Variants in BACH2 observed in about 807,000 individuals in gnomAD.
The protein encoded by BACH2 is BACH transcriptional regulator 2, also known as transcription regulator protein BACH2.
BACH2 carries 5 observed loss-of-function variants against 61.8 expected under a neutral mutation model. The ratio of observed to expected loss-of-function variants is 0.08; its 90% confidence interval spans 0.04 to 0.17. The LOEUF is 0.17. BACH2 is among the 10% of genes least tolerant of loss of function. BACH2 has a pLI of 1.00. For missense variants in BACH2, 824 were observed against 1,091.1 expected (o/e 0.76, Z 3.45); for synonymous variants, 446 against 440.1 (o/e 1.01, Z -0.17).
chr6:89,968,114 C>T (rs1775145095), intron 6 of BACH2, among the ~76,000 whole-genome samples: 1 of 152,190 alleles, frequency 6.6e-6, no homozygotes, highest in Admixed American at 6.5e-5. Context: ...TTCACCAATT[C>T]CAACTGTAAA....
intron 6 of BACH2, among the ~76,000 whole-genome samples, chr6:89,957,265 A>G (rs1292225768): frequency 1.3e-5 from 2 of 152,176 alleles, no homozygotes; most frequent in African/African-American, 4.8e-5. Flanking sequence ...CCTCATCTTA[A>G]TTTTCTATAA....
In BACH2 at chr6:89,961,455, TA is replaced by T. The variant is rs1440897755; in HGVS notation, c.244-9594del. Among the ~76,000 whole-genome samples, 8 of 152,300 alleles carry T rather than the reference TA, an allele frequency of 5.3e-5. No individual in the cohort carries two copies. In the East Asian group the frequency reaches 5.8e-4, roughly 11 times the overall value. On this transcript the variant is annotated intron_variant, in intron 6 of 8. Transcript: ENST00000257749. Reference sequence around the variant, plus strand: ...AAAAGAAGATTTAGAAAAAATTACCTAATTTCCATTTTAAATGACCCTCTTC... The same window carrying T: ...AAAAGAAGATTTAGAAAAAATTACCTATTTCCATTTTAAATGACCCTCTTC...
intron 6 of BACH2, among the ~76,000 whole-genome samples, chr6:89,982,613 G>A (rs557949260): frequency 6.6e-6 from 1 of 152,142 alleles, no homozygotes; most frequent in South Asian, 2.1e-4. Context: ...GAGTACGTTC[G>A]GATATCACTC....
chr6:90,153,112 G>A (rs1161621345), intron 4 of BACH2, among the ~76,000 whole-genome samples: 2 of 152,126 alleles, frequency 1.3e-5, no homozygotes, highest in African/African-American at 4.8e-5. Context: ...CATTAAGTAT[G>A]CTCCTCCATG....
At chr6:90,191,181 C>T (rs1328765849) in intron 4 of BACH2, among the ~76,000 whole-genome samples, 3 of 152,198 alleles carry the variant, frequency 2.0e-5, no homozygotes, top group African/African-American at 7.2e-5. Flanking sequence ...TGGCCACATT[C>T]AGAAAGGAGG....
At chr6:90,114,977 T>G (rs1335669847) in intron 4 of BACH2, among the ~76,000 whole-genome samples, 1 of 151,844 alleles carries the variant, frequency 6.6e-6, no homozygotes, top group South Asian at 2.1e-4. Flanking sequence ...AGGTGAAAGA[T>G]CTCTACAATA....
chr6:90,250,693 A>G (rs1479973615), intron 3 of BACH2, among the ~76,000 whole-genome samples: 1 of 152,180 alleles, frequency 6.6e-6, no homozygotes, highest in Non-Finnish European at 1.5e-5. Flanking sequence ...CATAATAAAC[A>G]TTTCAGTTTT....
chr6:90,150,141 C>T (rs1784761675), intron 4 of BACH2, among the ~76,000 whole-genome samples: 1 of 152,118 alleles, frequency 6.6e-6, no homozygotes, highest in African/African-American at 2.4e-5. Flanking sequence ...GTAGTTATCC[C>T]TGTCTACAGT....
chr6:90,150,458 A>G (rs1784775830), intron 4 of BACH2, among the ~76,000 whole-genome samples: 1 of 152,204 alleles, frequency 6.6e-6, no homozygotes, highest in Non-Finnish European at 1.5e-5. Flanking sequence ...CACATCTACT[A>G]TCTAACACTT....
At chr6:90,102,812 T>TAATAAA (rs1782706791) in intron 4 of BACH2, among the ~76,000 whole-genome samples, 1 of 135,152 alleles carries the variant, frequency 7.4e-6, no homozygotes, top group Non-Finnish European at 1.6e-5. Context: ...ATAATAATAA[T>TAATAAA]AATAATAATA....
chr6:90,078,122 G>A (rs1395472208), intron 5 of BACH2, among the ~76,000 whole-genome samples: 1 of 152,166 alleles, frequency 6.6e-6, no homozygotes, highest in African/African-American at 2.4e-5. Flanking sequence ...TCAGTAACCA[G>A]AATTATAACA....
chr6:90,223,271 G>A (rs781167765), intron 3 of BACH2, among the ~76,000 whole-genome samples: 5 of 152,176 alleles, frequency 3.3e-5, no homozygotes, highest in African/African-American at 7.2e-5. Context: ...GCAAAGCTAC[G>A]ACATAATTCT....
chr6:90,148,542 T>C (rs1328491503), intron 4 of BACH2, among the ~76,000 whole-genome samples: 1 of 141,462 alleles, frequency 7.1e-6, no homozygotes, highest in African/African-American at 2.8e-5. Context: ...TAATAAGCCA[T>C]GAAGCATTCA....
chr6:89,982,067 C>T (rs991487700), intron 6 of BACH2, among the ~76,000 whole-genome samples: 1 of 151,984 alleles, frequency 6.6e-6, no homozygotes, highest in Non-Finnish European at 1.5e-5. Flanking sequence ...ACCTCACAGG[C>T]TCAAGCAATC....
chr6:90,099,492 C>G (rs1235060159), intron 4 of BACH2, among the ~76,000 whole-genome samples: 1 of 152,236 alleles, frequency 6.6e-6, no homozygotes, highest in Non-Finnish European at 1.5e-5. Flanking sequence ...GATCCTCCGG[C>G]CTCAGCCTCC....
intron 6 of BACH2, among the ~76,000 whole-genome samples, chr6:89,959,669 A>C (rs1419317781): frequency 1.3e-5 from 2 of 152,202 alleles, no homozygotes; most frequent in Non-Finnish European, 2.9e-5. Context: ...ATAACCGGAA[A>C]ACTGAAATAG....
At chr6:90,146,459 T>C (rs1383936542) in intron 4 of BACH2, among the ~76,000 whole-genome samples, 1 of 152,250 alleles carries the variant, frequency 6.6e-6, no homozygotes, top group African/African-American at 2.4e-5. Flanking sequence ...GCACAGATTC[T>C]GTCACTGGCA....
At chr6:90,199,602 C>T (rs114089732) in intron 4 of BACH2, among the ~76,000 whole-genome samples, 269 of 152,220 alleles carry the variant, frequency 1.8e-3, no homozygotes, top group African/African-American at 5.3e-3. Flanking sequence ...TATTTTCTTC[C>T]GGAAACTTCA....
intron 4 of BACH2, among the ~76,000 whole-genome samples, chr6:90,108,550 T>A (rs947286301): frequency 2.0e-5 from 3 of 152,214 alleles, no homozygotes; most frequent in African/African-American, 7.2e-5. Flanking sequence ...TTCTGTCTAA[T>A]TCTTCCCTTC....
Sources: allele counts gnomAD v4.1 joint callset (sites outside exome capture counted in the v4.1 genomes callset), GRCh38; gene constraint gnomAD v4.1.1; transcripts MANE v1.5; gene names NCBI Gene and HGNC (gene_info 2026-07-23, HGNC 2026-07-21).